Variants in TTK observed in about 807,000 individuals in gnomAD.
The protein encoded by TTK is dual specificity protein kinase TTK.
In TTK, 59 loss-of-function variants were observed where a neutral mutation model predicts 117.3. That is an observed-to-expected ratio of 0.50 (90% CI 0.41 to 0.62). TTK has a LOEUF of 0.62. Among genes scored for constraint, TTK ranks in the 20% least tolerant of loss-of-function variants. The pLI is 0.00. For missense variants in TTK, 921 were observed against 989.4 expected, an observed-to-expected ratio of 0.93 and a Z score of 0.93; for synonymous variants, 302 against 325.0, an observed-to-expected ratio of 0.93 and a Z score of 0.76.
In TTK at chr6:80,032,168, T is replaced by C. The variant is rs563238208; in HGVS notation, c.1614+609T>C. Among the ~76,000 whole-genome samples the C allele has an allele frequency of 2.0e-5, 3 of 152,306 alleles. No individual in the cohort carries two copies. In the South Asian group the frequency reaches 6.2e-4, roughly 32 times the overall value. ...CCTTCATCACTCACCAGAATAACTG[T>C]AATCAAGAACACTAATGACCTCCAT... is the stretch of plus-strand genomic sequence containing the variant. On this transcript the variant is annotated intron_variant, in intron 14 of 21. Transcript: ENST00000369798.
chr6:80,032,489 C>T (rs1047174357), intron 14 of TTK, among the ~76,000 whole-genome samples: 1 of 152,172 alleles, frequency 6.6e-6, no homozygotes, highest in African/African-American at 2.4e-5. Flanking sequence ...ATTTCCAGCT[C>T]ATACCTCTCC....
Position 80,035,066 on chromosome 6 carries a change from G to A in TTK, c.1696G>A (p.Asp566Asn). 1 of 1,604,288 alleles carries A rather than the reference G, an allele frequency of 6.2e-7. No individual in the cohort carries two copies. The highest frequency in any genetic ancestry group is 8.5e-7 in the Non-Finnish European group (1 of 1,176,974). Residue 566 changes from aspartate to asparagine, a missense_variant, in exon 15 of 22, where the codon GAT becomes AAT. Physicochemically the swap from Asp to Asn is conservative, Grantham distance 23. Coordinates refer to ENST00000369798, the MANE Select transcript of TTK (RefSeq NM_003318.5). ...NLEEADNQTLDSYRNEIAYLN... is the reference protein window; with the variant it reads ...NLEEADNQTLNSYRNEIAYLN... ...AGAAGAAGCAGATAACCAAACTCTT[G>A]ATAGTTACCGGAACGAAATAGCTTA...
Position 80,005,945 on chromosome 6 carries a change from T to C in TTK, c.102T>C (p.Asp34=). 6.2e-7 allele frequency: 1 copy of C among 1,609,152 alleles called. No homozygotes were observed. The highest frequency in any genetic ancestry group is 8.5e-7 in the Non-Finnish European group (1 of 1,178,826). Residue 34 remains aspartate (D), a synonymous_variant, in exon 2 of 22, where the codon GAT becomes GAC. Transcript: ENST00000369798. ...AGTTTAAAAATGAAGACCTTACTGA[T>C]GAACTAAGCTTGAATAAAATTTCTG... ...KNKFKNEDLT[D]ELSLNKISAD...
chr6:80,037,803 T>C (rs1195296397), intron 17 of TTK, 164 bp from the exon 18 acceptor site: 1 of 295,096 alleles, frequency 3.4e-6, no homozygotes, highest in Non-Finnish European at 6.1e-6. Flanking sequence ...TCATTGAAAT[T>C]TATAATTACC....
At chr6:80,020,501 A>T (rs1767430257) in intron 10 of TTK, among the ~76,000 whole-genome samples, 1 of 152,226 alleles carries the variant, frequency 6.6e-6, no homozygotes, top group Non-Finnish European at 1.5e-5. Context: ...AAAAGAGAAA[A>T]TAGAGAGCTA....
chr6:80,012,132 A>C (rs993844944), intron 8 of TTK, 152 bp downstream of exon 8: 7 of 636,564 alleles, frequency 1.1e-5, no homozygotes, highest in Non-Finnish European at 1.5e-5. Flanking sequence ...GGAACAAAGG[A>C]ATGAGTGGAG....
intron 14 of TTK, among the ~76,000 whole-genome samples, chr6:80,031,831 G>T (rs1767768307): frequency 6.6e-6 from 1 of 152,062 alleles, no homozygotes; most frequent in Admixed American, 6.6e-5. Context: ...TTGACATGGG[G>T]TAGCGAATGA....
rs1767252717 is a variant in TTK, at chr6:80,014,523, A to G, written c.1045A>G (p.Ile349Val). The change falls in exon 10 of 22, where the codon ATT (isoleucine) becomes GTT (valine). Residue 349 changes from isoleucine to valine, a missense_variant. Ile to Val is a conservative substitution (Grantham distance 29, BLOSUM62 3). Coordinates refer to ENST00000369798, the MANE Select transcript of TTK (RefSeq NM_003318.5). ...GTCAGATGAAAAGAGTTCTGAACTT[A>G]TTATTACTGATTCAATAACCCTGAA... ...LVSDEKSSEL[I>V]ITDSITLKNK... 6.2e-7 allele frequency: 1 copy of G among 1,610,088 alleles called. No homozygotes were observed. The highest frequency in any genetic ancestry group is 8.5e-7 in the Non-Finnish European group (1 of 1,177,840).
intron 9 of TTK, 40 bp from the exon 10 acceptor site, chr6:80,014,423 A>G (rs1767249021): frequency 1.9e-6 from 3 of 1,552,966 alleles, no homozygotes; most frequent in South Asian, 2.5e-5. Context: ...TAGTAGTACT[A>G]CTATTTATGG....
chr6:80,022,822 T>A (rs145624751), intron 11 of TTK, among the ~76,000 whole-genome samples: 62 of 152,310 alleles, frequency 4.1e-4, no homozygotes, highest in African/African-American at 1.3e-3. Flanking sequence ...AGAGCAGAGT[T>A]GATTAGTTGT....
chr6:80,029,111 A>G (rs560238143), intron 13 of TTK, among the ~76,000 whole-genome samples: 2 of 152,376 alleles, frequency 1.3e-5, no homozygotes, highest in East Asian at 1.9e-4. Flanking sequence ...GTAATTAACT[A>G]TAAAAATCAA....
chr6:80,040,572 A>G (rs759721004), intron 20 of TTK, 34 bp from the exon 21 acceptor site: 8 of 1,566,936 alleles, frequency 5.1e-6, no homozygotes, highest in Non-Finnish European at 6.1e-6. Context: ...TATTTTTCTT[A>G]CTGGTACTAG....
Position 80,005,884 on chromosome 6 carries a change from A to G in TTK, c.41A>G (p.Asp14Gly). Residue 14 changes from aspartate to glycine, a missense_variant, in exon 2 of 22, where the codon GAT (aspartate) becomes GGT (glycine). Coordinates refer to ENST00000369798, the MANE Select transcript of TTK (RefSeq NM_003318.5). ...EDLSGRELTIDSIMNKVRDIK... is the reference protein window; with the variant it reads ...EDLSGRELTIGSIMNKVRDIK... ...TTAAGTGGCAGAGAATTGACAATTG[A>G]TTCCATAATGAACAAAGTGAGAGAC... 2.5e-6 allele frequency: 4 copies of G among 1,612,938 alleles called. No individual in the cohort carries two copies. The highest frequency in any genetic ancestry group is 3.4e-6 in the Non-Finnish European group (4 of 1,179,690).
intron 10 of TTK, among the ~76,000 whole-genome samples, chr6:80,019,284 A>C (rs1477355326): frequency 6.6e-6 from 1 of 152,192 alleles, no homozygotes; most frequent in Non-Finnish European, 1.5e-5. Context: ...CAGAGGCAAA[A>C]AAGACAAGAA....
chr6:80,042,211 T>A lies in TTK; in HGVS notation c.*9T>A, dbSNP rs1250797411. 2 of 1,582,442 alleles carry A rather than the reference T, an allele frequency of 1.3e-6. No homozygotes were observed. Among genetic ancestry groups the A allele is most frequent in the Admixed American group, 3.4e-5 (2 of 58,542 alleles). ...AAAGGGGAAAAAAATGATTTGCAGT[T>A]ATTCGTAATGTCAGATACCACCTAT... is the stretch of plus-strand genomic sequence containing the variant. On this transcript the variant is annotated 3_prime_UTR_variant, in exon 22 of 22. Transcript: ENST00000369798.
At chr6:80,011,697 T>C in intron 6 of TTK, 32 bp from the exon 7 acceptor site, 1 of 1,607,880 alleles carries the variant, frequency 6.2e-7, no homozygotes, top group Non-Finnish European at 8.5e-7. Context: ...TATTGTTCTT[T>C]GAAAAATTGG....
At chr6:80,033,249 T>C (rs551732706) in intron 14 of TTK, among the ~76,000 whole-genome samples, 2 of 152,282 alleles carry the variant, frequency 1.3e-5, no homozygotes, top group East Asian at 3.9e-4. Flanking sequence ...ATTTAGCCTA[T>C]TTCAGTTCCT....
intron 6 of TTK, 39 bp downstream of exon 6, chr6:80,011,587 A>G (rs368124858): frequency 7.7e-6 from 12 of 1,567,394 alleles, no homozygotes; most frequent in Middle Eastern, 1.7e-4. Context: ...TTCATCTTCT[A>G]TGTAAGTACA....
intron 14 of TTK, among the ~76,000 whole-genome samples, chr6:80,032,430 A>G (rs567301852): frequency 5.9e-5 from 9 of 152,132 alleles, no homozygotes; most frequent in Admixed American, 3.3e-4. Flanking sequence ...TTCTCTTTCA[A>G]TCTTGTGGTT....
Sources: allele counts gnomAD v4.1 joint callset (sites outside exome capture counted in the v4.1 genomes callset), GRCh38; gene constraint gnomAD v4.1.1; transcripts MANE v1.5; gene names NCBI Gene and HGNC (gene_info 2026-07-23, HGNC 2026-07-21).